Variants in CYP7B1 observed in about 807,000 individuals in gnomAD.
CYP7B1 encodes the protein cytochrome P450 family 7 subfamily B member 1, also known as cytochrome P450 7B1.
In CYP7B1, 29 loss-of-function variants were observed where a neutral mutation model predicts 42.7. The ratio of observed to expected loss-of-function variants is 0.68; its 90% CI spans 0.51 to 0.93. The LOEUF is 0.93. Among genes scored for constraint, CYP7B1 ranks in the 40% least tolerant of loss-of-function variants. CYP7B1 has a pLI of 0.00. For missense variants in CYP7B1, 655 were observed against 600.5 expected (o/e 1.09, Z -0.95); for synonymous variants, 235 against 218.2 (o/e 1.08, Z -0.68).
chr8:64,643,831 C>T (rs771438515), intron 1 of CYP7B1, among the ~76,000 whole-genome samples: 47 of 152,164 alleles, frequency 3.1e-4, no homozygotes, highest in Non-Finnish European at 5.9e-4. Context: ...TTCTCCATAA[C>T]AAGCAACTCC....
intron 1 of CYP7B1, among the ~76,000 whole-genome samples, chr8:64,789,862 C>T (rs187447830): frequency 6.6e-6 from 1 of 152,242 alleles, no homozygotes; most frequent in Admixed American, 6.5e-5. Context: ...CACAAATGAA[C>T]CTGCAATGCA....
chr8:64,733,575 G>A (rs1319263276), intron 1 of CYP7B1, among the ~76,000 whole-genome samples: 1 of 152,108 alleles, frequency 6.6e-6, no homozygotes, highest in African/African-American at 2.4e-5. Context: ...TACTGCTTGC[G>A]AAGTCACACC....
chr8:64,607,398 T>TAAA (rs5891968), intron 4 of CYP7B1, among the ~76,000 whole-genome samples: 6 of 143,960 alleles, frequency 4.2e-5, no homozygotes, highest in Non-Finnish European at 9.1e-5. Flanking sequence ...GCTCTAGAAT[T>TAAA]AAAAAAAAAA....
chr8:64,599,700 C>T (rs1002712457), intron 5 of CYP7B1, among the ~76,000 whole-genome samples: 2 of 152,170 alleles, frequency 1.3e-5, no homozygotes, highest in Non-Finnish European at 2.9e-5. Context: ...TTACATTGTT[C>T]TGGTCTCTGA....
At chr8:64,738,404 T>C (rs1367683254) in intron 1 of CYP7B1, among the ~76,000 whole-genome samples, 1 of 152,152 alleles carries the variant, frequency 6.6e-6, no homozygotes, top group Admixed American at 6.5e-5. Context: ...TCAGCAGCAT[T>C]TTCCTATAAG....
chr8:64,691,377 C>T (rs1806739030), intron 1 of CYP7B1, among the ~76,000 whole-genome samples: 1 of 148,716 alleles, frequency 6.7e-6, no homozygotes, highest in African/African-American at 2.5e-5. Context: ...TGTCCACTGT[C>T]ACAGAATACA....
intron 1 of CYP7B1, among the ~76,000 whole-genome samples, chr8:64,650,679 T>C (rs1806025584): frequency 6.6e-6 from 1 of 152,190 alleles, no homozygotes; most frequent in Non-Finnish European, 1.5e-5. Context: ...TTTAATTGTT[T>C]ATGCCACAGG....
chr8:64,742,961 C>T (rs1248660767), intron 1 of CYP7B1, among the ~76,000 whole-genome samples: 4 of 152,006 alleles, frequency 2.6e-5, no homozygotes, highest in Non-Finnish European at 5.9e-5. Flanking sequence ...TCATTTCCTT[C>T]TTCTATGTTT....
intron 1 of CYP7B1, among the ~76,000 whole-genome samples, chr8:64,696,218 A>G (rs1163715990): frequency 6.6e-6 from 1 of 152,180 alleles, no homozygotes; most frequent in Non-Finnish European, 1.5e-5. Flanking sequence ...TGATGCCTGC[A>G]CTGAAGGCCT....
intron 1 of CYP7B1, among the ~76,000 whole-genome samples, chr8:64,755,509 C>G (rs919185291): frequency 1.3e-5 from 2 of 152,086 alleles, no homozygotes; most frequent in Non-Finnish European, 2.9e-5. Context: ...ACCTCCGCCT[C>G]CCAGGTTCTA....
intron 1 of CYP7B1, among the ~76,000 whole-genome samples, chr8:64,677,587 C>T (rs944733585): frequency 5.9e-5 from 9 of 151,644 alleles, no homozygotes; most frequent in African/African-American, 2.2e-4. Flanking sequence ...AAAGCTCTAT[C>T]GCCATCACAT....
chr8:64,692,515 GA>G (rs1563393710), intron 1 of CYP7B1, among the ~76,000 whole-genome samples: 12 of 152,190 alleles, frequency 7.9e-5, no homozygotes, highest in African/African-American at 2.9e-4. Context: ...GTGTCTTAGA[GA>G]AGTGGAGAGA....
At chr8:64,716,475 G>A (rs1807156193) in intron 1 of CYP7B1, among the ~76,000 whole-genome samples, 1 of 152,130 alleles carries the variant, frequency 6.6e-6, no homozygotes, top group South Asian at 2.1e-4. Context: ...GGGAGGCCGA[G>A]GCGGGCAGAT....
intron 1 of CYP7B1, among the ~76,000 whole-genome samples, chr8:64,643,613 A>G (rs1563374641): frequency 6.6e-6 from 1 of 152,182 alleles, no homozygotes; most frequent in Non-Finnish European, 1.5e-5. Flanking sequence ...TCTTCCTTTC[A>G]TGAAAGATTT....
chr8:64,782,179 A>G (rs1804437686), intron 1 of CYP7B1, among the ~76,000 whole-genome samples: 2 of 152,124 alleles, frequency 1.3e-5, no homozygotes, highest in African/African-American at 4.8e-5. Flanking sequence ...CAGTGTAGGG[A>G]AAGACTGAGC....
intron 1 of CYP7B1, among the ~76,000 whole-genome samples, chr8:64,767,150 T>C (rs1037297640): frequency 9.9e-5 from 15 of 152,226 alleles, no homozygotes; most frequent in Non-Finnish European, 1.5e-4. Flanking sequence ...TAAATACATA[T>C]ACAGACTCTA....
At chr8:64,750,229 A>G (rs1234570280) in intron 1 of CYP7B1, among the ~76,000 whole-genome samples, 1 of 152,146 alleles carries the variant, frequency 6.6e-6, no homozygotes, top group Non-Finnish European at 1.5e-5. Flanking sequence ...CAGAGTCATG[A>G]AGTTTCAGGG....
intron 1 of CYP7B1, among the ~76,000 whole-genome samples, chr8:64,649,426 G>A (rs538548798): frequency 6.6e-6 from 1 of 152,268 alleles, no homozygotes; most frequent in African/African-American, 2.4e-5. Flanking sequence ...TCTTTTGTAT[G>A]TATGTACCAT....
In CYP7B1 at chr8:64,596,175, C is replaced by T. The variant is rs1805114217; in HGVS notation, c.*467G>A. Reference sequence around the variant, plus strand: ...ATATTATACTTGAAGGGAACATTTTCATCCAGTGTAACTCATGGAAATTCA... The same window carrying T: ...ATATTATACTTGAAGGGAACATTTTTATCCAGTGTAACTCATGGAAATTCA... On this transcript the variant is annotated 3_prime_UTR_variant, in exon 6 of 6. Coordinates refer to ENST00000310193, the MANE Select transcript of CYP7B1 (RefSeq NM_004820.5). 1 of 165,624 alleles carries T rather than the reference C, an allele frequency of 6.0e-6. No individual in the cohort carries two copies. The highest frequency in any genetic ancestry group is 1.4e-5 in the Non-Finnish European group (1 of 72,792). The allele number at this position is 165,624 out of a possible 1,614,324, so 10.3% of individuals were successfully genotyped here.
Sources: allele counts gnomAD v4.1 joint callset (sites outside exome capture counted in the v4.1 genomes callset), GRCh38; gene constraint gnomAD v4.1.1; transcripts MANE v1.5; gene names NCBI Gene and HGNC (gene_info 2026-07-23, HGNC 2026-07-21).